FOXO3B: variants seen among roughly 807,000 people sequenced by gnomAD.
FOXO3B encodes forkhead box O3B.
In FOXO3B, 15 loss-of-function variants were observed where a neutral mutation model predicts 21.9. The ratio of observed to expected loss-of-function variants is 0.68; its 90% CI spans 0.46 to 1.05. The LOEUF is 1.05. Among genes scored for constraint, FOXO3B ranks in the 50% least tolerant of loss-of-function variants. The probability of loss-of-function intolerance (pLI) is 0.00; values close to 1 mark genes in which losing one functional copy is unlikely to be tolerated. For missense variants in FOXO3B, 293 were observed against 435.5 expected (o/e 0.67, Z 2.91); for synonymous variants, 135 against 213.6 (o/e 0.63, Z 3.21).
In FOXO3B at chr17:18,677,223, C is replaced by G. The variant is rs1216776982; in HGVS notation, c.126+3518G>C. On this transcript the variant is annotated intron_variant, in intron 3 of 3. Coordinates refer to ENST00000395675, the MANE Select transcript of FOXO3B (RefSeq NM_001368135.1). The stretch of plus-strand genomic sequence containing the variant: ...CTATCTACCAACAGTGAGTATGTAT[C>G]TATCCTCTGATAAAACAAGTCTACT... 2.0e-6 allele frequency: 3 copies of G among 1,525,918 alleles called. No homozygotes were observed. The African/African-American group carries it at 4.1e-5, about 21-fold the overall frequency. The allele number at this position is 1,525,918 out of a possible 1,614,324, so 94.5% of individuals were successfully genotyped here.
intron 3 of FOXO3B, among the ~76,000 whole-genome samples, chr17:18,679,017 G>T (rs2032540175): frequency 6.6e-6 from 1 of 151,496 alleles, no homozygotes. Context: ...ACAGGAAGAT[G>T]TAAGCCTAAA....
At chr17:18,677,156 G>A (rs2032502129) in intron 3 of FOXO3B, 1 of 925,846 alleles carries the variant, frequency 1.1e-6, no homozygotes, top group Admixed American at 2.6e-5. Context: ...TTCTGCTGCT[G>A]GGAATGTAAT....
chr17:18,676,861 C>T (rs530445896), intron 3 of FOXO3B, among the ~76,000 whole-genome samples: 64 of 152,152 alleles, frequency 4.2e-4, no homozygotes, highest in African/African-American at 9.1e-4. Context: ...TCACCATGCC[C>T]GGCTAATTTT....
In FOXO3B at chr17:18,672,567, G is replaced by T; in HGVS notation, c.615C>A (p.Ser205Arg). 1 of 1,439,330 alleles carries T rather than the reference G, an allele frequency of 6.9e-7. No homozygotes were observed. Among genetic ancestry groups the T allele is most frequent in the Non-Finnish European group, 9.1e-7 (1 of 1,104,326 alleles). 89.2% of individuals were successfully genotyped at this position (1,439,330 alleles called of 1,614,324 possible). A position where few individuals can be genotyped will look rare whatever the true frequency, so the allele number is the denominator to read the frequency against. The change falls in exon 4 of 4, where the codon AGC becomes AGA. Residue 205 changes from serine to arginine, a missense_variant. By Grantham distance (110) the Ser-to-Arg change is moderately radical (BLOSUM62 -1). Coordinates refer to ENST00000395675, the MANE Select transcript of FOXO3B (RefSeq NM_001368135.1). This position sits in a 1 kb window ranked among gnomAD's most constrained non-coding sequence, Gnocchi z 4.2. ...SGPATAAGGL[S>R]GGTQALLQPQ... is the part of the protein sequence containing the mutation. ...GCTGCAGCAGCGCCTGTGTACCCCC[G>T]CTCAGCCCGCCCGCCGCGGTGGCTG...
intron 3 of FOXO3B, among the ~76,000 whole-genome samples, chr17:18,678,021 G>A (rs1211186854): frequency 3.3e-5 from 5 of 150,266 alleles, no homozygotes; most frequent in Non-Finnish European, 1.5e-5. Flanking sequence ...GAGGAAAAAT[G>A]ACCTTTAGCC....
At chr17:18,676,158 G>C (rs1230134763) in intron 3 of FOXO3B, among the ~76,000 whole-genome samples, 1 of 152,168 alleles carries the variant, frequency 6.6e-6, no homozygotes, top group African/African-American at 2.4e-5. Flanking sequence ...CAAGTAACAT[G>C]AAATGCTCAA....
chr17:18,676,881 G>A (rs1418683012), intron 3 of FOXO3B, among the ~76,000 whole-genome samples: 1 of 152,010 alleles, frequency 6.6e-6, no homozygotes, highest in Non-Finnish European at 1.5e-5. Context: ...TTTTGTATTT[G>A]TAGTAGAGAC....
intron 2 of FOXO3B, among the ~76,000 whole-genome samples, chr17:18,681,162 C>T (rs2032577810): frequency 6.6e-6 from 1 of 150,996 alleles, no homozygotes; most frequent in African/African-American, 2.5e-5. Flanking sequence ...GATTGCTGGA[C>T]CCCACCTCAA....
Position 18,671,716 on chromosome 17 carries a change from T to C in FOXO3B, c.*593A>G. ...GAACTCCGCTGCATGAGTCCCCCAGTGGGCGATGGCTGGGATGGCGGGAGC... is the reference window on the plus strand; with the variant it reads ...GAACTCCGCTGCATGAGTCCCCCAGCGGGCGATGGCTGGGATGGCGGGAGC... On this transcript the variant is annotated 3_prime_UTR_variant, in exon 4 of 4. Transcript: ENST00000395675. 6.2e-7 allele frequency: 1 copy of C among 1,613,686 alleles called. No individual in the cohort carries two copies. Among genetic ancestry groups the C allele is most frequent in the South Asian group, 1.1e-5 (1 of 91,074 alleles).
intron 3 of FOXO3B, chr17:18,677,252 A>G: frequency 6.2e-7 from 1 of 1,604,158 alleles, no homozygotes; most frequent in Admixed American, 1.7e-5. Flanking sequence ...GTCTACTTGT[A>G]TGTATACAAG....
Position 18,677,576 on chromosome 17 carries a change from C to T in FOXO3B, c.126+3165G>A, listed in dbSNP as rs575493729. 27 of 1,602,950 alleles carry T rather than the reference C, an allele frequency of 1.7e-5. No homozygotes were observed. In the East Asian group the frequency reaches 5.1e-4, roughly 30 times the overall value. On this transcript the variant is annotated intron_variant, in intron 3 of 3. Transcript: ENST00000395675. The stretch of plus-strand genomic sequence containing the variant: ...TCCACGGGGGCGCCGGCGGGCCCAG[C>T]GGCAGGGCCAAAGCCGGGCGGGCCC...
chr17:18,677,740 G>A lies in FOXO3B; in HGVS notation c.126+3001C>T, dbSNP rs1597497076. On this transcript the variant is annotated intron_variant, in intron 3 of 3. Transcript: ENST00000395675. ...GCCAAGAAAAAGACGGACAAGAAGC[G>A]GGCGCTACGGCGGCTGTAGTGGGCT... The A allele has an allele frequency of 1.9e-6, 3 of 1,557,470 alleles. No individual in the cohort carries two copies. In the East Asian group the frequency reaches 6.7e-5, roughly 35 times the overall value.
chr17:18,680,760 C>T lies in FOXO3B; in HGVS notation c.107G>A (p.Arg36His), dbSNP rs2032568846. Residue 36 changes from arginine (R) to histidine (H), a missense_variant, in exon 3 of 4, where the codon CGC becomes CAC. Around this residue, in one of 2 missense-constraint regions of FOXO3B, gnomAD observed 251 missense variants for 404.0 expected, o/e 0.62. Coordinates refer to ENST00000395675, the MANE Select transcript of FOXO3B (RefSeq NM_001368135.1). ...ACTCACCTGGGATCTGGCCGTGAGG[C>T]GCAGAGCAGCCACTTCTCCCTCTTC... The part of the protein sequence containing the change: ...STEEGEVAAL[R>H]LTARSQAAAA... 2 of 1,613,786 alleles carry T rather than the reference C, an allele frequency of 1.2e-6. No individual in the cohort carries two copies. The highest frequency in any genetic ancestry group is 1.7e-6 in the Non-Finnish European group (2 of 1,179,958).
Position 18,670,337 on chromosome 17 carries a change from G to C in FOXO3B, c.*1972C>G, listed in dbSNP as rs2032340374. On this transcript the variant is annotated 3_prime_UTR_variant, in exon 4 of 4. Coordinates refer to ENST00000395675, the MANE Select transcript of FOXO3B (RefSeq NM_001368135.1). ...AATCCCCCTTTAGTTTATGTAATTT[G>C]TTAGTTTATGGAGTTCCATGCGCTC... is the stretch of plus-strand genomic sequence containing the variant. Among the ~76,000 whole-genome samples, 1 of 152,208 alleles carries C rather than the reference G, an allele frequency of 6.6e-6. No homozygotes were observed. The highest frequency in any genetic ancestry group is 1.5e-5 in the Non-Finnish European group (1 of 68,034).
At chr17:18,676,885 T>C (rs1419685390) in intron 3 of FOXO3B, among the ~76,000 whole-genome samples, 4 of 152,216 alleles carry the variant, frequency 2.6e-5, no homozygotes, top group African/African-American at 9.6e-5. Context: ...GTATTTGTAG[T>C]AGAGACGGGG....
At chr17:18,679,078 T>C (rs943069570) in intron 3 of FOXO3B, among the ~76,000 whole-genome samples, 3 of 151,066 alleles carry the variant, frequency 2.0e-5, no homozygotes, top group Admixed American at 6.6e-5. Flanking sequence ...ATAAAACCCA[T>C]GGAGAGCAAA....
chr17:18,680,172 G>A (rs2032559585), intron 3 of FOXO3B, among the ~76,000 whole-genome samples: 1 of 152,186 alleles, frequency 6.6e-6, no homozygotes, highest in Admixed American at 6.5e-5. Flanking sequence ...TTTACCTTTT[G>A]GGAGAGAGGG....
chr17:18,682,168 G>A lies in FOXO3B; in HGVS notation c.-196+36C>T, dbSNP rs1289278507. Reference sequence around the variant, plus strand: ...GACCCGGGGAACTACCGCCGAGGCCGAGCCGAGACGAGAGACATCACCACA... The same window carrying A: ...GACCCGGGGAACTACCGCCGAGGCCAAGCCGAGACGAGAGACATCACCACA... On this transcript the variant is annotated intron_variant, in intron 1 of 3. Transcript: ENST00000395675. 3.1e-5 allele frequency: 21 copies of A among 681,536 alleles called. 1 individual carries two copies. Among genetic ancestry groups the A allele is most frequent in the South Asian group, 2.7e-4 (18 of 67,086 alleles). The allele number at this position is 681,536 out of a possible 1,614,324, so 42.2% of individuals were successfully genotyped here.
intron 1 of FOXO3B, 179 bp from the exon 2 acceptor site, chr17:18,682,025 G>C: frequency 1.7e-6 from 1 of 602,322 alleles, no homozygotes; most frequent in South Asian, 1.9e-5. Context: ...CCCCGCCCGT[G>C]GCACAACCGC....
Sources: gnomAD v4.1 joint callset for allele counts (sites outside exome capture counted in the v4.1 genomes callset) on GRCh38, gnomAD v4.1.1 for gene constraint, gnomAD v4.1.1 regional missense constraint, Gnocchi (gnomAD v3.1) non-coding constraint, MANE v1.5 for transcripts, NCBI Gene and HGNC (gene_info 2026-07-23, HGNC 2026-07-21) for gene names.